The following NSUN6 variants were observed in gnomAD, a reference collection of about 807,000 sequenced individuals.
The protein encoded by NSUN6 is tRNA (cytosine(72)-C(5))-methyltransferase NSUN6.
NSUN6 carries 64 observed loss-of-function variants against 58.0 expected under a neutral mutation model. The ratio of observed to expected loss-of-function variants is 1.10; its 90% CI spans 0.90 to 1.36. The LOEUF (loss-of-function observed/expected upper bound fraction) is 1.36. Ranked by LOEUF, NSUN6 falls within the 40% of genes most tolerant of loss-of-function variation. The pLI, the probability that NSUN6 is intolerant of heterozygous loss-of-function variation, is 0.00. For missense variants in NSUN6, 701 were observed against 550.1 expected, an observed-to-expected ratio of 1.27 and a Z score of -2.74; for synonymous variants, 231 against 193.9, an observed-to-expected ratio of 1.19 and a Z score of -1.59.
chr10:18,624,735 T>G (rs1397941544), intron 3 of NSUN6, among the ~76,000 whole-genome samples: 1 of 64,356 alleles, frequency 1.6e-5, no homozygotes, highest in Non-Finnish European at 3.7e-5. Context: ...AAAATTAAAG[T>G]AACAGGCTTG....
At chr10:18,617,919 G>A (rs1482121569) in intron 3 of NSUN6, among the ~76,000 whole-genome samples, 1 of 152,116 alleles carries the variant, frequency 6.6e-6, no homozygotes, top group East Asian at 1.9e-4. Context: ...GCCCTCACCA[G>A]ATGCAAATGC....
intron 3 of NSUN6, among the ~76,000 whole-genome samples, chr10:18,616,804 T>C (rs10829022): frequency 0.35 from 53,012 of 151,984 alleles, 9,807 homozygotes; most frequent in East Asian, 0.74. Context: ...AAAATCTGTA[T>C]TACTTCTAAC....
At chr10:18,550,466 T>C (rs1479840012) in intron 9 of NSUN6, among the ~76,000 whole-genome samples, 5 of 152,180 alleles carry the variant, frequency 3.3e-5, no homozygotes, top group African/African-American at 7.2e-5. Flanking sequence ...GCCTTGTATT[T>C]TGGAGGGCTG....
chr10:18,657,774 C>T (rs1178093881), upstream of NSUN6, among the ~76,000 whole-genome samples: 1 of 151,956 alleles, frequency 6.6e-6, no homozygotes, highest in Non-Finnish European at 1.5e-5. Context: ...CCACCACACC[C>T]GGCTAATTTT....
At chr10:18,591,324 TTCC>T (rs2057370060) in intron 7 of NSUN6, among the ~76,000 whole-genome samples, 1 of 152,182 alleles carries the variant, frequency 6.6e-6, no homozygotes, top group Non-Finnish European at 1.5e-5. Context: ...GCTGGCACCA[TTCC>T]TTCTGAAATG....
chr10:18,636,791 C>G (rs961005127), intron 3 of NSUN6, among the ~76,000 whole-genome samples: 17 of 151,952 alleles, frequency 1.1e-4, no homozygotes, highest in African/African-American at 3.9e-4. Context: ...ACTCGGGAGG[C>G]TGAGGCAGAA....
rs1353448495 is a variant in NSUN6 at position 18,642,494 on chromosome 10, A to T, written c.293T>A (p.Ile98Asn). ...TACAAACCTGGGTCCAATAACAGGA[A>T]TAAGTAACACATCTTGAAGGTCTGG... Reference protein sequence around the residue: ...QHPDLQDVLLIPVIGPRKNIK... With the variant: ...QHPDLQDVLLNPVIGPRKNIK... Residue 98 changes from isoleucine to asparagine, a missense_variant, in exon 3 of 11, where the codon ATT (isoleucine) becomes AAT (asparagine). Physicochemically the swap from Ile to Asn is moderately radical, Grantham distance 149. Coordinates refer to ENST00000377304, the MANE Select transcript of NSUN6 (RefSeq NM_182543.5). 1 of 1,533,790 alleles carries T rather than the reference A, an allele frequency of 6.5e-7. No homozygotes were observed. The highest frequency in any genetic ancestry group is 1.4e-5 in the African/African-American group (1 of 73,464).
chr10:18,567,981 C>T (rs1332831002), intron 8 of NSUN6, among the ~76,000 whole-genome samples: 2 of 151,448 alleles, frequency 1.3e-5, no homozygotes, highest in Non-Finnish European at 3.0e-5. Flanking sequence ...ATTCCCCATT[C>T]CATTCCATTC....
rs571301351 is a variant in NSUN6, at chr10:18,647,725, G to GTTTT, written c.231+761_231+764dup. ...TAAAACATAAGGCGCTCAACACCTT[G>GTTTT]TTTTTTTTTTTTTTTTTTTTTTTTT... On this transcript the variant is annotated intron_variant, in intron 2 of 10. Transcript: ENST00000377304. Among the ~76,000 whole-genome samples the GTTTT allele has an allele frequency of 1.6e-4, 16 of 100,088 alleles. 2 individuals are homozygous for GTTTT. Among genetic ancestry groups the GTTTT allele is most frequent in the Middle Eastern group, 5.9e-3 (1 of 170 alleles). The allele number at this position is 100,088 out of a possible 152,430, so 65.7% of individuals were successfully genotyped here. A position where few individuals can be genotyped will look rare whatever the true frequency, so the allele number is the denominator to read the frequency against.
At chr10:18,619,610 G>C (rs753071146) in intron 3 of NSUN6, among the ~76,000 whole-genome samples, 7 of 151,978 alleles carry the variant, frequency 4.6e-5, no homozygotes, top group Non-Finnish European at 7.4e-5. Context: ...ACATCATTTT[G>C]TGGCCTACTA....
intron 8 of NSUN6, among the ~76,000 whole-genome samples, chr10:18,582,511 T>G (rs1427074558): frequency 6.6e-6 from 1 of 152,136 alleles, no homozygotes; most frequent in African/African-American, 2.4e-5. Context: ...AGAATCAAGG[T>G]ATGAGACAGC....
chr10:18,645,285 G>C (rs1324797208), intron 2 of NSUN6, among the ~76,000 whole-genome samples: 1 of 151,658 alleles, frequency 6.6e-6, no homozygotes, highest in Non-Finnish European at 1.5e-5. Flanking sequence ...TGACACCTTT[G>C]CTTTCTGATG....
At chr10:18,571,796 C>G (rs1589906387) in intron 8 of NSUN6, among the ~76,000 whole-genome samples, 1 of 150,670 alleles carries the variant, frequency 6.6e-6, no homozygotes, top group African/African-American at 2.4e-5. Flanking sequence ...CCATACCATC[C>G]TCCATTCCAT....
At chr10:18,600,987 T>A (rs2057815334) in intron 6 of NSUN6, among the ~76,000 whole-genome samples, 1 of 132,546 alleles carries the variant, frequency 7.5e-6, no homozygotes, top group South Asian at 2.3e-4. Flanking sequence ...TGTATATATA[T>A]ATATATTATA....
intron 8 of NSUN6, among the ~76,000 whole-genome samples, chr10:18,559,114 T>A (rs1002100723): frequency 1.4e-5 from 2 of 138,308 alleles, no homozygotes; most frequent in African/African-American, 5.4e-5. Context: ...GGAGGAGAAT[T>A]GAATGGAACG....
At chr10:18,559,822 A>G (rs1434563127) in intron 8 of NSUN6, among the ~76,000 whole-genome samples, 3 of 150,250 alleles carry the variant, frequency 2.0e-5, no homozygotes, top group Non-Finnish European at 4.4e-5. Context: ...AAGAGAATGG[A>G]ATGGAATGGA....
intron 3 of NSUN6, among the ~76,000 whole-genome samples, chr10:18,639,227 G>A (rs1216219616): frequency 6.6e-6 from 1 of 152,210 alleles, no homozygotes; most frequent in Non-Finnish European, 1.5e-5. Context: ...GGGTGCGGTG[G>A]CTCACACCTG....
intron 8 of NSUN6, among the ~76,000 whole-genome samples, chr10:18,552,314 C>G (rs1179978104): frequency 6.6e-6 from 1 of 152,080 alleles, no homozygotes; most frequent in Non-Finnish European, 1.5e-5. Context: ...GGATACTTCT[C>G]TTGGTAATTC....
At chr10:18,572,210 A>G (rs1397028528) in intron 8 of NSUN6, among the ~76,000 whole-genome samples, 1 of 133,032 alleles carries the variant, frequency 7.5e-6, no homozygotes, top group Non-Finnish European at 1.6e-5. Context: ...TTCCATTTCA[A>G]TTCATTGTTC....
Sources: allele counts gnomAD v4.1 joint callset (sites outside exome capture counted in the v4.1 genomes callset), GRCh38; gene constraint gnomAD v4.1.1; transcripts MANE v1.5; gene names NCBI Gene and HGNC (gene_info 2026-07-23, HGNC 2026-07-21).